EPB41L5: variants seen among roughly 807,000 people sequenced by gnomAD.
The protein encoded by EPB41L5 is erythrocyte membrane protein band 4.1 like 5.
In EPB41L5, 55 loss-of-function variants were observed where a neutral mutation model predicts 106.6. The ratio of observed to expected loss-of-function variants is 0.52; its 90% CI spans 0.42 to 0.65. EPB41L5 has a LOEUF of 0.65. Among genes scored for constraint, EPB41L5 ranks in the 30% least tolerant of loss-of-function variants. The pLI is 0.00. For missense variants in EPB41L5, 871 were observed against 882.1 expected (o/e 0.99, Z 0.16); for synonymous variants, 297 against 306.7 (o/e 0.97, Z 0.33).
chr2:120,146,187 A>C, intron 19 of EPB41L5, 38 bp from the exon 20 acceptor site: 1 of 1,262,280 alleles, frequency 7.9e-7, no homozygotes, highest in Non-Finnish European at 1.1e-6. Flanking sequence ...TAGTATCCTC[A>C]ATAAAGATTT....
chr2:120,047,432 G>A (rs535376718), intron 3 of EPB41L5, among the ~76,000 whole-genome samples: 227 of 151,886 alleles, frequency 1.5e-3, no homozygotes, highest in African/African-American at 4.9e-3. Flanking sequence ...AATTGTGAAC[G>A]GGAGTTCACT....
chr2:120,017,091 A>G (rs925401989), intron 1 of EPB41L5, among the ~76,000 whole-genome samples: 29 of 152,234 alleles, frequency 1.9e-4, no homozygotes, highest in African/African-American at 6.8e-4. Context: ...TTATAAATAA[A>G]TCTAGTTGAA....
chr2:120,030,008 C>T (rs1052934532), intron 2 of EPB41L5, among the ~76,000 whole-genome samples: 3 of 152,106 alleles, frequency 2.0e-5, no homozygotes, highest in African/African-American at 2.4e-5. Flanking sequence ...GGATTGAAAC[C>T]GCCTTGGCAA....
intron 18 of EPB41L5, among the ~76,000 whole-genome samples, chr2:120,140,571 A>G (rs1182399070): frequency 6.6e-6 from 1 of 152,110 alleles, no homozygotes; most frequent in Non-Finnish European, 1.5e-5. Context: ...CTGAAAATTT[A>G]AAATTCAAAA....
intron 22 of EPB41L5, among the ~76,000 whole-genome samples, chr2:120,166,573 G>A (rs13005890): frequency 0.64 from 96,882 of 151,866 alleles, 32,220 homozygotes; most frequent in Middle Eastern, 0.75. Context: ...GAGTAGCTGG[G>A]AGTACAGGCG....
At chr2:120,050,894 C>T (rs975022951) in intron 3 of EPB41L5, among the ~76,000 whole-genome samples, 2 of 152,222 alleles carry the variant, frequency 1.3e-5, no homozygotes, top group African/African-American at 4.8e-5. Flanking sequence ...CCCTCAGCTG[C>T]AGGTCTGTTG....
chr2:120,159,463 A>T (rs1687051481), intron 20 of EPB41L5, among the ~76,000 whole-genome samples: 1 of 152,106 alleles, frequency 6.6e-6, no homozygotes, highest in Admixed American at 6.5e-5. Flanking sequence ...AATATCATTA[A>T]AATGGCCATA....
At chr2:120,091,371 A>G (rs1683399953) in intron 12 of EPB41L5, among the ~76,000 whole-genome samples, 184 bp from the exon 13 acceptor site, 1 of 152,228 alleles carries the variant, frequency 6.6e-6, no homozygotes, top group African/African-American at 2.4e-5. Flanking sequence ...AATCTGTTGC[A>G]TATTTCACAA....
In EPB41L5 at chr2:120,174,957, G is replaced by A. The variant is rs199947231; in HGVS notation, c.*50G>A. ...TCTCCAGCATTCCGTCCTGGGATCCGTTTCAGCTAGAATATGTTGGATTCA... is the reference window on the plus strand; with the variant it reads ...TCTCCAGCATTCCGTCCTGGGATCCATTTCAGCTAGAATATGTTGGATTCA... On this transcript the variant is annotated 3_prime_UTR_variant, in exon 25 of 25. Transcript: ENST00000263713. 1.1e-5 allele frequency: 17 copies of A among 1,536,670 alleles called. No homozygotes were observed. The East Asian group carries it at 1.6e-4, about 14-fold the overall frequency.
intron 10 of EPB41L5, among the ~76,000 whole-genome samples, chr2:120,078,829 A>G (rs1297054882): frequency 6.6e-6 from 1 of 152,124 alleles, no homozygotes; most frequent in African/African-American, 2.4e-5. Context: ...ATAAATATTT[A>G]TATTTTTATA....
intron 21 of EPB41L5, 32 bp downstream of exon 21, chr2:120,161,006 C>T: frequency 6.4e-7 from 1 of 1,552,852 alleles, no homozygotes; most frequent in Middle Eastern, 1.7e-4. Flanking sequence ...AAAATTTTTG[C>T]CAAAGACAGT....
chr2:120,166,979 T>G (rs1321864536), intron 22 of EPB41L5, among the ~76,000 whole-genome samples: 1 of 152,220 alleles, frequency 6.6e-6, no homozygotes, highest in African/African-American at 2.4e-5. Flanking sequence ...TGCGCTTTCT[T>G]CATGCATACA....
chr2:120,136,230 G>C (rs1574736413), intron 18 of EPB41L5, among the ~76,000 whole-genome samples: 1 of 148,680 alleles, frequency 6.7e-6, no homozygotes, highest in East Asian at 2.0e-4. Flanking sequence ...CAAACCTCAT[G>C]GTAACCTCAA....
chr2:120,136,923 A>G (rs1452174266), intron 18 of EPB41L5, among the ~76,000 whole-genome samples: 1 of 152,084 alleles, frequency 6.6e-6, no homozygotes, highest in Non-Finnish European at 1.5e-5. Flanking sequence ...AGCAGAACAT[A>G]CATTCTTGTC....
chr2:120,017,473 C>T (rs1179224495), intron 1 of EPB41L5, among the ~76,000 whole-genome samples: 1 of 152,106 alleles, frequency 6.6e-6, no homozygotes, highest in Non-Finnish European at 1.5e-5. Flanking sequence ...TATTTGTTGG[C>T]TTATGTGTAC....
intron 24 of EPB41L5, 73 bp from the exon 25 acceptor site, chr2:120,174,768 A>G (rs1687859852): frequency 7.8e-7 from 1 of 1,278,010 alleles, no homozygotes; most frequent in African/African-American, 1.5e-5. Context: ...TCTGTGTGGC[A>G]CTAATGGAGA....
Position 120,112,748 on chromosome 2 carries a change from A to G in EPB41L5, c.1337+11934A>G, listed in dbSNP as rs114122214. Among the ~76,000 whole-genome samples the G allele has an allele frequency of 1.2e-3, 184 of 152,360 alleles. 1 individual carries two copies. The highest frequency in any genetic ancestry group is 4.3e-3 in the African/African-American group (177 of 41,586). On this transcript the variant is annotated intron_variant, in intron 16 of 24. Transcript: ENST00000263713. ...ATAGAATTTATGGGAAGGTATCGTG[A>G]TAATAATAGCTAATACTTGAGTGCT... is the stretch of plus-strand genomic sequence containing the variant.
chr2:120,109,992 G>A (rs1453773849), intron 16 of EPB41L5, among the ~76,000 whole-genome samples: 1 of 152,194 alleles, frequency 6.6e-6, no homozygotes, highest in Admixed American at 6.5e-5. Context: ...GTCTTGTTCC[G>A]AAAAGATTAG....
rs60759052 is a variant in EPB41L5, at chr2:120,157,424, GA to G, written c.1794-3446del. ...CAACCCCAAAACTAACAGAAGATAA[GA>G]AAAAAAAAAATTAGAGCTGAACTGA... is the stretch of plus-strand genomic sequence containing the variant. On this transcript the variant is annotated intron_variant, in intron 20 of 24. Coordinates refer to ENST00000263713, the MANE Select transcript of EPB41L5 (RefSeq NM_020909.4). Among the ~76,000 whole-genome samples, 1,222 of 144,468 alleles carry G rather than the reference GA, an allele frequency of 8.5e-3. 10 individuals are homozygous for G. The highest frequency in any genetic ancestry group is 0.023 in the African/African-American group (897 of 39,386). 94.8% of individuals were successfully genotyped at this position (144,468 alleles called of 152,430 possible).
Sources: allele counts gnomAD v4.1 joint callset (sites outside exome capture counted in the v4.1 genomes callset), GRCh38; gene constraint gnomAD v4.1.1; transcripts MANE v1.5; gene names NCBI Gene and HGNC (gene_info 2026-07-23, HGNC 2026-07-21).